Variants in INPP5A observed in about 807,000 individuals in gnomAD.
INPP5A encodes inositol polyphosphate-5-phosphatase A, also known as 43 kDa inositol polyphosphate 5-phophatase.
Under a neutral mutation model 65.2 loss-of-function variants are expected in INPP5A, and 14 were observed. The ratio of observed to expected loss-of-function variants is 0.21; its 90% CI spans 0.14 to 0.34. The LOEUF is 0.34. Ranked by LOEUF, INPP5A falls within the 10% of genes least tolerant of loss-of-function variation. INPP5A has a pLI of 1.00. For synonymous variants in INPP5A, 207 were observed against 208.3 expected, an observed-to-expected ratio of 0.99 and a Z score of 0.05; for missense variants, 431 against 545.6, an observed-to-expected ratio of 0.79 and a Z score of 2.09.
chr10:132,662,248 A>C (rs2032767981), intron 4 of INPP5A, among the ~76,000 whole-genome samples: 1 of 152,206 alleles, frequency 6.6e-6, no homozygotes, highest in South Asian at 2.1e-4. Context: ...GTCTTAAAAA[A>C]AACGTTGAAA....
intron 1 of INPP5A, among the ~76,000 whole-genome samples, chr10:132,590,043 C>G (rs1346446215): frequency 6.6e-6 from 1 of 152,258 alleles, no homozygotes; most frequent in Admixed American, 6.5e-5. Context: ...ACATTGTCAA[C>G]ACGGCTGGAA....
intron 2 of INPP5A, among the ~76,000 whole-genome samples, chr10:132,618,567 A>G (rs1379908876): frequency 6.6e-6 from 1 of 152,250 alleles, no homozygotes; most frequent in Non-Finnish European, 1.5e-5. Context: ...GTTTCCAGCT[A>G]ACATGGAAGA....
At chr10:132,715,805 C>T (rs1170062886) in intron 8 of INPP5A, among the ~76,000 whole-genome samples, 2 of 152,222 alleles carry the variant, frequency 1.3e-5, no homozygotes, top group South Asian at 2.1e-4. Context: ...TCTTGCTGGT[C>T]GTGGGCTCGT....
At chr10:132,756,245 A>G (rs994014464) in intron 11 of INPP5A, among the ~76,000 whole-genome samples, 1 of 151,848 alleles carries the variant, frequency 6.6e-6, no homozygotes, top group African/African-American at 2.4e-5. Flanking sequence ...ATGCGTGTAC[A>G]TGTGTGCACT....
Position 132,702,970 on chromosome 10 carries a change from C to T in INPP5A, c.474+5051C>T, listed in dbSNP as rs535956233. On this transcript the variant is annotated intron_variant, in intron 6 of 15. Coordinates refer to ENST00000368594, the MANE Select transcript of INPP5A (RefSeq NM_005539.5). The stretch of plus-strand genomic sequence containing the variant: ...TCTGGACGTGGGAGCTGGCAGAGGG[C>T]GCCCTGCCGGTGCTGGTTAGGAGCG... 7.2e-5 allele frequency among the ~76,000 whole-genome samples: 11 copies of T among 152,242 alleles called. No individual in the cohort carries two copies. In the South Asian group the frequency reaches 2.1e-3, roughly 29 times the overall value.
Position 132,697,877 on chromosome 10 carries a change from C to G in INPP5A, c.432C>G (p.Pro144=), listed in dbSNP as rs530789528. 6.2e-7 allele frequency: 1 copy of G among 1,613,924 alleles called. No homozygotes were observed. The highest frequency in any genetic ancestry group is 1.7e-5 in the Admixed American group (1 of 60,012). ...EIYSDTLEST[P]MLEKEKFPQD... ...ACTCGGATACCTTAGAGAGCACGCC[C>G]ATGCTGGAGAAGGAGAAGTTTCCGC... Residue 144 remains proline, a synonymous_variant, in exon 6 of 16, where the codon CCC becomes CCG. Transcript: ENST00000368594. The surrounding 1 kb of genome is among the most constrained non-coding windows in gnomAD (Gnocchi z 5.6).
chr10:132,583,347 G>A (rs148957647), intron 1 of INPP5A, among the ~76,000 whole-genome samples: 46 of 152,322 alleles, frequency 3.0e-4, no homozygotes, highest in African/African-American at 8.4e-4. Context: ...GGCATTTGCA[G>A]ATAGAGCCAT....
rs150121875 is a variant in INPP5A, at chr10:132,660,546, T to C, written c.306+10041T>C. Among the ~76,000 whole-genome samples, 108 of 152,300 alleles carry C rather than the reference T, an allele frequency of 7.1e-4. 1 individual carries two copies. Among genetic ancestry groups the C allele is most frequent in the African/African-American group, 2.5e-3 (104 of 41,564 alleles). ...CACTGACAAGAAGGTGGTGTGCCAG[T>C]TTGTGATCTGGTGCGGTGAGGCACC... On this transcript the variant is annotated intron_variant, in intron 4 of 15. Transcript: ENST00000368594.
intron 12 of INPP5A, among the ~76,000 whole-genome samples, chr10:132,766,379 G>C (rs1196608675): frequency 6.6e-6 from 1 of 152,248 alleles, no homozygotes; most frequent in Admixed American, 6.5e-5. Context: ...GGGACTGTGT[G>C]TTATGGATCT....
At chr10:132,568,164 C>A (rs1055098960) in intron 1 of INPP5A, among the ~76,000 whole-genome samples, 1 of 141,748 alleles carries the variant, frequency 7.1e-6, no homozygotes, top group Non-Finnish European at 1.5e-5. Flanking sequence ...GCTCTCCAGC[C>A]TGGTGACAGA....
intron 2 of INPP5A, among the ~76,000 whole-genome samples, chr10:132,624,804 T>C (rs1323118879): frequency 2.0e-5 from 3 of 151,912 alleles, no homozygotes; most frequent in Non-Finnish European, 4.4e-5. Flanking sequence ...CGTCCTCTGC[T>C]CCACACCCCA....
intron 4 of INPP5A, among the ~76,000 whole-genome samples, chr10:132,673,970 T>C (rs1216449736): frequency 6.6e-6 from 1 of 152,170 alleles, no homozygotes; most frequent in Non-Finnish European, 1.5e-5. Flanking sequence ...GCCGAGCCCA[T>C]GGGTACCCTC....
intron 12 of INPP5A, among the ~76,000 whole-genome samples, chr10:132,776,139 G>A (rs1375516575): frequency 1.3e-5 from 2 of 152,206 alleles, no homozygotes; most frequent in Non-Finnish European, 2.9e-5. Flanking sequence ...GTGAAATGGG[G>A]CAGGCCACCA....
chr10:132,728,995 G>T (rs1489356384), intron 9 of INPP5A, among the ~76,000 whole-genome samples: 3 of 144,302 alleles, frequency 2.1e-5, no homozygotes, highest in East Asian at 2.0e-4. Context: ...CGTGGGGCTT[G>T]TGTGGCCGCT....
chr10:132,716,824 G>A (rs1450451394), intron 8 of INPP5A, among the ~76,000 whole-genome samples: 2 of 152,266 alleles, frequency 1.3e-5, no homozygotes, highest in African/African-American at 4.8e-5. Flanking sequence ...CGTGTGGAGA[G>A]CATGAGAGCG....
intron 1 of INPP5A, among the ~76,000 whole-genome samples, chr10:132,591,913 G>A (rs1267075939): frequency 1.3e-5 from 2 of 152,192 alleles, no homozygotes; most frequent in Non-Finnish European, 2.9e-5. Context: ...GGAATGACTG[G>A]GTTTGCCCAG....
At chr10:132,608,087 C>T (rs1042058179) in intron 2 of INPP5A, 131 bp downstream of exon 2, 27 of 786,900 alleles carry the variant, frequency 3.4e-5, no homozygotes, top group African/African-American at 6.9e-5. Context: ...CTGGGTCTCT[C>T]GGCTCCGCTG....
intron 4 of INPP5A, among the ~76,000 whole-genome samples, chr10:132,682,468 G>C (rs2073060552): frequency 6.6e-6 from 1 of 152,246 alleles, no homozygotes; most frequent in African/African-American, 2.4e-5. Context: ...TAATGAAGAT[G>C]CAAATTAAAA....
intron 11 of INPP5A, 100 bp downstream of exon 11, chr10:132,749,945 C>T (rs1236670462): frequency 2.0e-6 from 2 of 1,018,734 alleles, no homozygotes; most frequent in Non-Finnish European, 3.1e-6. Context: ...CCTGCCTTGT[C>T]CCTGCCACCT....
Sources: allele counts gnomAD v4.1 joint callset (sites outside exome capture counted in the v4.1 genomes callset), GRCh38; gene constraint gnomAD v4.1.1; non-coding constraint Gnocchi (gnomAD v3.1); transcripts MANE v1.5; gene names NCBI Gene and HGNC (gene_info 2026-07-23, HGNC 2026-07-21).